TEX36: variants seen among roughly 807,000 people sequenced by gnomAD.
TEX36 encodes testis-expressed protein 36.
A neutral mutation model predicts 13.6 loss-of-function variants in TEX36; 12 were observed. The observed-to-expected ratio is 0.88, with a 90% CI of 0.56 to 1.43. TEX36 has a LOEUF of 1.43. Ranked by LOEUF, TEX36 falls within the 40% of genes most tolerant of loss-of-function variation. The pLI, the probability that TEX36 is intolerant of heterozygous loss-of-function variation, is 0.00. For missense variants in TEX36, 224 were observed against 228.3 expected (o/e 0.98, Z 0.12); for synonymous variants, 93 against 83.0 (o/e 1.12, Z -0.65).
At chr10:125,581,579 C>T (rs1309994912) in intron 3 of TEX36, among the ~76,000 whole-genome samples, 2 of 152,194 alleles carry the variant, frequency 1.3e-5, no homozygotes, top group African/African-American at 4.8e-5. Context: ...CTCTCAGAGT[C>T]AGCTTTTAGG....
intron 3 of TEX36, among the ~76,000 whole-genome samples, chr10:125,641,713 A>T (rs1409881096): frequency 6.6e-6 from 1 of 152,232 alleles, no homozygotes; most frequent in African/African-American, 2.4e-5. Context: ...AATACATTAA[A>T]ACAAGAACCA....
At chr10:125,580,395 C>T (rs1270634683) in intron 3 of TEX36, among the ~76,000 whole-genome samples, 4 of 152,296 alleles carry the variant, frequency 2.6e-5, no homozygotes, top group Non-Finnish European at 5.9e-5. Flanking sequence ...TTTATTCATG[C>T]CTGATAAATG....
At chr10:125,620,164 A>C (rs553616365), downstream of TEX36, among the ~76,000 whole-genome samples, 3 of 152,280 alleles carry the variant, frequency 2.0e-5, no homozygotes, top group East Asian at 5.8e-4. Context: ...AAAAGCTATG[A>C]ACATTTACAG....
At chr10:125,662,031 C>G in intron 1 of TEX36, 54 bp from the exon 2 acceptor site, 1 of 1,550,584 alleles carries the variant, frequency 6.4e-7, no homozygotes, top group Non-Finnish European at 8.7e-7. Flanking sequence ...AATCTACAAG[C>G]CAAGTATCAG....
intron 1 of TEX36, among the ~76,000 whole-genome samples, chr10:125,669,367 C>A (rs1363069450): frequency 1.3e-5 from 2 of 151,970 alleles, no homozygotes; most frequent in African/African-American, 2.4e-5. Context: ...GTAATCCCAG[C>A]TACTCGGAAG....
chr10:125,682,237 A>G (rs1297318856), intron 1 of TEX36, among the ~76,000 whole-genome samples: 2 of 152,226 alleles, frequency 1.3e-5, no homozygotes, highest in East Asian at 3.8e-4. Context: ...AAGACCTCAC[A>G]CTTAGGAGTG....
intron 1 of TEX36, among the ~76,000 whole-genome samples, chr10:125,676,852 A>G (rs976519558): frequency 6.6e-6 from 1 of 152,120 alleles, no homozygotes; most frequent in African/African-American, 2.4e-5. Flanking sequence ...TTTCACTTCC[A>G]GGGATCCCTT....
intron 3 of TEX36, among the ~76,000 whole-genome samples, chr10:125,623,155 C>A (rs1337298597): frequency 1.3e-5 from 2 of 152,152 alleles, no homozygotes; most frequent in Non-Finnish European, 2.9e-5. Context: ...CCCAACCCTG[C>A]AAAGTATCAT....
intron 3 of TEX36, among the ~76,000 whole-genome samples, chr10:125,642,390 A>C (rs758621948): frequency 3.9e-5 from 6 of 152,222 alleles, no homozygotes; most frequent in Non-Finnish European, 7.3e-5. Flanking sequence ...AACCACAACA[A>C]AAACAGTATC....
chr10:125,659,125 A>G (rs1033866120), intron 3 of TEX36, among the ~76,000 whole-genome samples: 2 of 152,190 alleles, frequency 1.3e-5, no homozygotes, highest in Non-Finnish European at 2.9e-5. Flanking sequence ...TAAAAACCTT[A>G]CTCTAAAAAA....
intron 3 of TEX36, among the ~76,000 whole-genome samples, chr10:125,588,707 C>A (rs532336768): frequency 2.0e-5 from 3 of 152,166 alleles, no homozygotes; most frequent in African/African-American, 7.2e-5. Context: ...CTCCGCCTCC[C>A]GGGTTCAAGC....
intron 3 of TEX36, among the ~76,000 whole-genome samples, chr10:125,605,534 G>A (rs1846205840): frequency 6.6e-6 from 1 of 152,168 alleles, no homozygotes; most frequent in East Asian, 1.9e-4. Context: ...TTTTGTTAGT[G>A]AAAACAAAAA....
chr10:125,628,846 TTG>T (rs1300543397), intron 3 of TEX36, among the ~76,000 whole-genome samples: 1 of 152,158 alleles, frequency 6.6e-6, no homozygotes, highest in African/African-American at 2.4e-5. Context: ...ACAGGGAGAC[TTG>T]TGGCTGTGGT....
exon 4 of TEX36, chr10:125,576,668 G>C: frequency 1.3e-6 from 2 of 1,494,156 alleles, no homozygotes; most frequent in Non-Finnish European, 1.8e-6. Context: ...TAAGACAAAA[G>C]GTCCTTTTCT....
At chr10:125,645,860 T>C (rs1846761026) in intron 3 of TEX36, among the ~76,000 whole-genome samples, 1 of 152,082 alleles carries the variant, frequency 6.6e-6, no homozygotes, top group Non-Finnish European at 1.5e-5. Flanking sequence ...TGTGAAACAG[T>C]GACAGAAATT....
chr10:125,618,941 C>T (rs1440626099), downstream of TEX36, among the ~76,000 whole-genome samples: 3 of 42,058 alleles, frequency 7.1e-5, no homozygotes, highest in Non-Finnish European at 1.2e-4. Context: ...CCCGTCTCTA[C>T]TAAAAAAAAA....
At chr10:125,609,103 C>G (rs919921940) in intron 3 of TEX36, among the ~76,000 whole-genome samples, 1 of 149,628 alleles carries the variant, frequency 6.7e-6, no homozygotes. Context: ...TGCAGTGAGC[C>G]GAGATGGTGC....
At chr10:125,611,345 T>G (rs920277008) in intron 3 of TEX36, among the ~76,000 whole-genome samples, 1 of 152,224 alleles carries the variant, frequency 6.6e-6, no homozygotes, top group Non-Finnish European at 1.5e-5. Context: ...ACCCGTTTCC[T>G]GCCACTTTCC....
intron 1 of TEX36, among the ~76,000 whole-genome samples, chr10:125,670,629 T>G (rs1455399300): frequency 7.2e-5 from 11 of 152,248 alleles, no homozygotes; most frequent in Admixed American, 7.2e-4. Context: ...TTTGTTGCAA[T>G]TGCTTTTGAC....
Sources: allele counts gnomAD v4.1 joint callset (sites outside exome capture counted in the v4.1 genomes callset), GRCh38; gene constraint gnomAD v4.1.1; transcripts MANE v1.5; gene names NCBI Gene and HGNC (gene_info 2026-07-23, HGNC 2026-07-21).